Variants in ABCC1 observed in about 807,000 individuals in gnomAD.
ABCC1 encodes ATP binding cassette subfamily C member 1 (ABCC1 blood group).
ABCC1 carries 83 observed loss-of-function variants against 172.9 expected under a neutral mutation model. The observed-to-expected ratio is 0.48, with a 90% CI of 0.40 to 0.58. The LOEUF (loss-of-function observed/expected upper bound fraction) is 0.58. Among genes scored for constraint, ABCC1 ranks in the 20% least tolerant of loss-of-function variants. The pLI, the probability that ABCC1 is intolerant of heterozygous loss-of-function variation, is 0.00. For missense variants in ABCC1, 1,817 were observed against 2,002.7 expected (o/e 0.91, Z 1.77); for synonymous variants, 937 against 825.2 (o/e 1.14, Z -2.32).
At chr16:16,026,565 T>G (rs568485662) in intron 5 of ABCC1, among the ~76,000 whole-genome samples, 1 of 143,434 alleles carries the variant, frequency 7.0e-6, no homozygotes, top group East Asian at 2.2e-4. Context: ...TTTAGATCCA[T>G]AGAAGAGAGG....
At position 16,052,778 on chromosome 16, in the gene ABCC1, G is replaced by A. The variant is rs756700064; in HGVS notation, c.1435G>A (p.Val479Ile). Residue 479 changes from valine (V) to isoleucine (I), a missense_variant, in exon 11 of 31, where the codon GTC becomes ATC. By Grantham distance (29) the Val-to-Ile change is conservative. Around this residue, in one of 3 missense-constraint regions of ABCC1, gnomAD observed 1,412 missense variants for 1,600.3 expected, o/e 0.88. Transcript: ENST00000399410. ...GVAVMVLMVP[V>I]NAVMAMKTKT... ...GGCGGTGATGGTCCTCATGGTGCCCGTCAATGCTGTGATGGCGATGAAGAC... is the reference window on the plus strand; with the variant it reads ...GGCGGTGATGGTCCTCATGGTGCCCATCAATGCTGTGATGGCGATGAAGAC... 31 of 1,613,964 alleles carry A rather than the reference G, an allele frequency of 1.9e-5. No individual in the cohort carries two copies. The highest frequency in any genetic ancestry group is 4.5e-5 in the East Asian group (2 of 44,890).
intron 30 of ABCC1, among the ~76,000 whole-genome samples, 153 bp downstream of exon 30, chr16:16,138,711 TTTC>T (rs2046012322): frequency 6.8e-6 from 1 of 146,642 alleles, no homozygotes; most frequent in Admixed American, 6.9e-5. Context: ...GTACCAGCTA[TTTC>T]TTTTTTTTTT....
chr16:16,016,155 T>TG (rs1449361918), intron 4 of ABCC1, among the ~76,000 whole-genome samples: 2 of 143,458 alleles, frequency 1.4e-5, no homozygotes, highest in Admixed American at 7.1e-5. Context: ...CTTGGTTTTT[T>TG]TTTTTTTTTT....
rs372584789 is a variant in ABCC1, at chr16:16,034,067, G to A, written c.677+897G>A. On this transcript the variant is annotated intron_variant, in intron 6 of 30. Coordinates refer to ENST00000399410, the MANE Select transcript of ABCC1 (RefSeq NM_004996.4). ...TTTTGAGACAGGCTTTCGCTCTGTC[G>A]CTGAGGCTGGAGTGCAGCGGCACAC... is the stretch of plus-strand genomic sequence containing the variant. Among the ~76,000 whole-genome samples, 15 of 109,454 alleles carry A rather than the reference G, an allele frequency of 1.4e-4. 1 individual carries two copies. The East Asian group carries it at 3.5e-3, about 26-fold the overall frequency. 71.8% of individuals were successfully genotyped at this position (109,454 alleles called of 152,430 possible).
chr16:16,102,188 T>G (rs1160133819), intron 19 of ABCC1, among the ~76,000 whole-genome samples: 2 of 151,810 alleles, frequency 1.3e-5, no homozygotes, highest in Non-Finnish European at 2.9e-5. Context: ...CCTTGTCAAA[T>G]TGGTTATCTA....
At chr16:16,055,988 G>A in intron 11 of ABCC1, 104 bp from the exon 12 acceptor site, 1 of 997,934 alleles carries the variant, frequency 1.0e-6, no homozygotes, top group South Asian at 1.6e-5. Flanking sequence ...ACATTTACAT[G>A]TCAAAGTATA....
At chr16:15,969,725 T>C (rs1411883217) in intron 1 of ABCC1, among the ~76,000 whole-genome samples, 1 of 151,866 alleles carries the variant, frequency 6.6e-6, no homozygotes, top group Non-Finnish European at 1.5e-5. Flanking sequence ...CTGGGGAAAT[T>C]CGAGGCAAGA....
chr16:16,067,302 C>T (rs984949263), intron 12 of ABCC1, among the ~76,000 whole-genome samples: 2 of 152,098 alleles, frequency 1.3e-5, no homozygotes, highest in Non-Finnish European at 2.9e-5. Flanking sequence ...CATGGCTCAG[C>T]GTCATCTGTC....
chr16:15,965,066 T>C (rs1414772652), intron 1 of ABCC1, among the ~76,000 whole-genome samples: 1 of 152,170 alleles, frequency 6.6e-6, no homozygotes, highest in Non-Finnish European at 1.5e-5. Context: ...AACATTTGAG[T>C]CTTGTTCTTA....
chr16:16,132,583 C>G (rs548986943), intron 27 of ABCC1, among the ~76,000 whole-genome samples: 3 of 140,382 alleles, frequency 2.1e-5, no homozygotes, highest in Middle Eastern at 4.3e-3. Context: ...GTGCAGGGGC[C>G]CGATCTCAGC....
rs2045371342 is a variant in ABCC1 at position 16,125,050 on chromosome 16, A to G, written c.3717+135A>G. ...GGTACGGAGTTTGAGGAGCAGGTAC[A>G]GTGCCACAGTGCCTGGTGACCAACT... On this transcript the variant is annotated intron_variant, in intron 25 of 30. Transcript: ENST00000399410. The G allele has an allele frequency of 8.1e-6, 10 of 1,228,514 alleles. No homozygotes were observed. The Admixed American group carries it at 9.0e-5, about 11-fold the overall frequency. 76.1% of individuals were successfully genotyped at this position (1,228,514 alleles called of 1,614,324 possible).
chr16:16,115,869 A>G (rs1041438113), intron 23 of ABCC1, among the ~76,000 whole-genome samples: 2 of 151,354 alleles, frequency 1.3e-5, no homozygotes, highest in African/African-American at 4.9e-5. Flanking sequence ...AAATCTTACC[A>G]TATTTATACA....
intron 15 of ABCC1, among the ~76,000 whole-genome samples, chr16:16,077,042 A>G (rs2050603178): frequency 6.6e-6 from 1 of 151,918 alleles, no homozygotes; most frequent in Middle Eastern, 3.4e-3. Context: ...GGCACCCCAC[A>G]CCCTACAGTC....
intron 26 of ABCC1, among the ~76,000 whole-genome samples, chr16:16,127,299 C>G (rs950601488): frequency 1.3e-5 from 2 of 152,168 alleles, no homozygotes; most frequent in Non-Finnish European, 2.9e-5. Flanking sequence ...CGCTGCCTCC[C>G]AGGCTCAAGT....
At chr16:15,952,106 C>T (rs2045887651) in intron 1 of ABCC1, among the ~76,000 whole-genome samples, 1 of 152,200 alleles carries the variant, frequency 6.6e-6, no homozygotes, top group Non-Finnish European at 1.5e-5. Context: ...TCACTTTCCT[C>T]ATCTCTAAAA....
At chr16:16,040,060 TTGTTTGTATGTATGTA>T (rs61010322) in intron 7 of ABCC1, among the ~76,000 whole-genome samples, 2,624 of 131,380 alleles carry the variant, frequency 0.02, 76 homozygotes, top group African/African-American at 0.073. Flanking sequence ...GTTTGTTTGT[TTGTTTGTATGTATGTA>T]TGTATGTATG....
chr16:16,122,175 G>A lies in ABCC1; in HGVS notation c.3590+1G>A. On this transcript the variant is annotated splice_donor_variant, in intron 24 of 30. Transcript: ENST00000399410. LOFTEE classifies it high-confidence loss of function. ...ATTACCCCAGCATCGTGGCCAACAG[G>A]TGGGCATGGTGGGCCTGCAGGAGCG... is the stretch of plus-strand genomic sequence containing the variant. The A allele has an allele frequency of 6.2e-7, 1 of 1,614,072 alleles. No homozygotes were observed.
intron 6 of ABCC1, among the ~76,000 whole-genome samples, chr16:16,036,110 C>T (rs1051065611): frequency 5.3e-5 from 8 of 151,692 alleles, no homozygotes; most frequent in Non-Finnish European, 1.0e-4. Flanking sequence ...GGTGACACAG[C>T]GAGACCCTCT....
intron 1 of ABCC1, among the ~76,000 whole-genome samples, chr16:15,955,855 C>T (rs568985453): frequency 3.6e-4 from 55 of 152,330 alleles, no homozygotes; most frequent in African/African-American, 1.1e-3. Context: ...TGTTTGTTTA[C>T]GGCTGTAATC....
Sources: allele counts gnomAD v4.1 joint callset (sites outside exome capture counted in the v4.1 genomes callset), GRCh38; gene constraint gnomAD v4.1.1; regional missense constraint gnomAD v4.1.1; transcripts MANE v1.5; gene names NCBI Gene and HGNC (gene_info 2026-07-23, HGNC 2026-07-21).